AMBRA1: variants seen among roughly 807,000 people sequenced by gnomAD.
AMBRA1 encodes the protein activating molecule in BECN1-regulated autophagy protein 1.
In AMBRA1, 47 loss-of-function variants were observed where a neutral mutation model predicts 125.4. That is an observed-to-expected ratio of 0.37 (90% CI 0.30 to 0.48). The LOEUF is 0.48. Among genes scored for constraint, AMBRA1 ranks in the 20% least tolerant of loss-of-function variants. The pLI is 0.99. For synonymous variants in AMBRA1, 626 were observed against 655.5 expected (o/e 0.95, Z 0.69); for missense variants, 1,331 against 1,693.4 (o/e 0.79, Z 3.76).
intron 1 of AMBRA1, among the ~76,000 whole-genome samples, chr11:46,584,454 C>T (rs1446260180): frequency 6.6e-6 from 1 of 150,448 alleles, no homozygotes; most frequent in Non-Finnish European, 1.5e-5. Context: ...AGCACACCAG[C>T]ATGGCACATG....
chr11:46,548,270 G>A lies in AMBRA1; in HGVS notation c.111C>T (p.Thr37=). ...CCTTGCCCTCCCATTTCATCCACCG[G>A]GTTTTATCTTCTACCAGCTCCTGCA... ...RLLQELVEDK[T]RWMKWEGKRV... Residue 37 remains threonine, a synonymous_variant, in exon 2 of 18, where the codon ACC becomes ACT. Coordinates refer to ENST00000683756, the MANE Select transcript of AMBRA1 (RefSeq NM_001387011.1). 1 of 1,614,004 alleles carries A rather than the reference G, an allele frequency of 6.2e-7. No individual in the cohort carries two copies. Among genetic ancestry groups the A allele is most frequent in the African/African-American group, 1.3e-5 (1 of 74,992 alleles).
rs369353560 is a variant in AMBRA1, at chr11:46,541,976, C to G, written c.2041G>C (p.Glu681Gln). Residue 681 changes from glutamate to glutamine, a missense_variant, in exon 7 of 18, where the codon GAG becomes CAG. This residue lies in a region of AMBRA1 where 689 missense variants were observed against 776.5 expected (regional missense o/e 0.89). Coordinates refer to ENST00000683756, the MANE Select transcript of AMBRA1 (RefSeq NM_001387011.1). ...AGTGAATCCTCCTCAGAGCTCTCCT[C>G]AGGCATATCCTGATGTAAGGCCTCC... ...SQEALHQDMP[E>Q]ESSEEDSLRR... The G allele has an allele frequency of 5.0e-6, 8 of 1,613,412 alleles. No homozygotes were observed. In the African/African-American group the frequency reaches 1.1e-4, roughly 22 times the overall value.
Position 46,572,269 on chromosome 11 carries a change from C to T in AMBRA1, c.-121+21559G>A, listed in dbSNP as rs183124311. On this transcript the variant is annotated intron_variant, in intron 1 of 17. Transcript: ENST00000683756. The stretch of plus-strand genomic sequence containing the variant: ...GGAGCAGAGATCGTGCAACTGCACT[C>T]CAGCCTGGTGATAGAGCGAGATTCC... Among the ~76,000 whole-genome samples the T allele has an allele frequency of 2.6e-3, 403 of 152,138 alleles. 2 individuals are homozygous for T. Among genetic ancestry groups the T allele is most frequent in the African/African-American group, 9.4e-3 (389 of 41,488 alleles).
intron 9 of AMBRA1, among the ~76,000 whole-genome samples, chr11:46,507,049 C>T (rs1195282778): frequency 1.3e-5 from 2 of 148,244 alleles, no homozygotes; most frequent in Admixed American, 6.7e-5. Context: ...TGGTGGCAGG[C>T]GCCTGTAGTC....
At chr11:46,577,402 C>T (rs2043994783) in intron 1 of AMBRA1, among the ~76,000 whole-genome samples, 1 of 152,032 alleles carries the variant, frequency 6.6e-6, no homozygotes, top group Non-Finnish European at 1.5e-5. Context: ...ATGAAATATC[C>T]AGAATAAATC....
chr11:46,523,084 G>C (rs897292213), intron 7 of AMBRA1, among the ~76,000 whole-genome samples: 1 of 152,190 alleles, frequency 6.6e-6, no homozygotes, highest in African/African-American at 2.4e-5. Context: ...GAGGTTTCTA[G>C]AATCTGCAGA....
chr11:46,553,270 C>G (rs1233466212), intron 1 of AMBRA1, among the ~76,000 whole-genome samples: 1 of 151,980 alleles, frequency 6.6e-6, no homozygotes, highest in Non-Finnish European at 1.5e-5. Flanking sequence ...AAAGTAATAA[C>G]TATTTATTGT....
At chr11:46,568,718 GC>G (rs1224517124) in intron 1 of AMBRA1, among the ~76,000 whole-genome samples, 1 of 145,106 alleles carries the variant, frequency 6.9e-6, no homozygotes, top group Non-Finnish European at 1.5e-5. Flanking sequence ...ATTGCAGTGA[GC>G]CGAGACCTCA....
chr11:46,453,376 C>T (rs1456814689), intron 11 of AMBRA1, among the ~76,000 whole-genome samples: 1 of 152,108 alleles, frequency 6.6e-6, no homozygotes, highest in Admixed American at 6.5e-5. Context: ...AGCAATCCAC[C>T]CACCTCAGCA....
At chr11:46,435,836 C>T (rs994964444) in intron 12 of AMBRA1, among the ~76,000 whole-genome samples, 1 of 152,238 alleles carries the variant, frequency 6.6e-6, no homozygotes, top group Non-Finnish European at 1.5e-5. Flanking sequence ...CCACTCCACA[C>T]AACAGCACCA....
chr11:46,424,973 A>G (rs1331242616), intron 14 of AMBRA1, among the ~76,000 whole-genome samples: 1 of 152,020 alleles, frequency 6.6e-6, no homozygotes, highest in Non-Finnish European at 1.5e-5. Flanking sequence ...CATCTCTACT[A>G]AAAATACAAA....
intron 7 of AMBRA1, among the ~76,000 whole-genome samples, chr11:46,540,261 T>C (rs1952676216): frequency 6.6e-6 from 1 of 152,244 alleles, no homozygotes; most frequent in South Asian, 2.1e-4. Context: ...ACACTGGTAT[T>C]ACGGAAACAG....
At chr11:46,407,831 C>T (rs1261791241) in intron 17 of AMBRA1, among the ~76,000 whole-genome samples, 1 of 152,000 alleles carries the variant, frequency 6.6e-6, no homozygotes, top group Non-Finnish European at 1.5e-5. Context: ...TTGTTTGGAG[C>T]TAGGATCAGC....
At chr11:46,533,175 A>T (rs928028940) in intron 7 of AMBRA1, among the ~76,000 whole-genome samples, 2 of 152,186 alleles carry the variant, frequency 1.3e-5, no homozygotes, top group Admixed American at 1.3e-4. Flanking sequence ...AAGAAAAAAA[A>T]AAAAGGAAAA....
rs1180955267 is a variant in AMBRA1, at chr11:46,508,385, G to C, written c.2160-15C>G. On this transcript the variant is annotated splice_polypyrimidine_tract_variant and intron_variant, in intron 8 of 17. Transcript: ENST00000683756. ...CAGGAGATAATCTGAGAGAGACAGA[G>C]ATGGACAAACACAAACTAGCACTAA... 2.1e-5 allele frequency: 34 copies of C among 1,611,486 alleles called. No individual in the cohort carries two copies. The highest frequency in any genetic ancestry group is 2.7e-5 in the Non-Finnish European group (32 of 1,178,100).
chr11:46,480,706 G>C (rs924030950), intron 11 of AMBRA1, among the ~76,000 whole-genome samples: 1 of 152,150 alleles, frequency 6.6e-6, no homozygotes, highest in Non-Finnish European at 1.5e-5. Flanking sequence ...AAAACAACCA[G>C]AGAGAGGCTC....
intron 8 of AMBRA1, among the ~76,000 whole-genome samples, chr11:46,511,164 C>T (rs1951243438): frequency 6.6e-6 from 1 of 152,130 alleles, no homozygotes; most frequent in African/African-American, 2.4e-5. Flanking sequence ...GGATGAGATG[C>T]CTATTGCTGT....
At chr11:46,513,296 A>T (rs1228406040) in intron 7 of AMBRA1, among the ~76,000 whole-genome samples, 4 of 143,992 alleles carry the variant, frequency 2.8e-5, no homozygotes, top group African/African-American at 5.2e-5. Context: ...AGAATTGAGT[A>T]CTCCTCAGAT....
intron 7 of AMBRA1, among the ~76,000 whole-genome samples, chr11:46,522,898 A>G (rs1476571256): frequency 6.6e-6 from 1 of 152,222 alleles, no homozygotes; most frequent in African/African-American, 2.4e-5. Flanking sequence ...TCACCCTGGT[A>G]TACTGCAAAC....
Sources: allele counts gnomAD v4.1 joint callset (sites outside exome capture counted in the v4.1 genomes callset), GRCh38; gene constraint gnomAD v4.1.1; regional missense constraint gnomAD v4.1.1; transcripts MANE v1.5; gene names NCBI Gene and HGNC (gene_info 2026-07-23, HGNC 2026-07-21).